Variants in SERPINA12 observed in about 807,000 individuals in gnomAD.
SERPINA12 encodes serpin family A member 12, also known as serpin A12.
SERPINA12 carries 21 observed loss-of-function variants against 25.9 expected under a neutral mutation model. That is an observed-to-expected ratio of 0.81 (90% CI 0.58 to 1.17). The LOEUF (loss-of-function observed/expected upper bound fraction) is 1.17. SERPINA12 is among the 50% of genes most tolerant of loss of function. SERPINA12 has a pLI of 0.00. For missense variants in SERPINA12, 562 were observed against 508.3 expected, an observed-to-expected ratio of 1.11 and a Z score of -1.02; for synonymous variants, 220 against 196.0, an observed-to-expected ratio of 1.12 and a Z score of -1.02.
chr14:94,504,370 A>G (rs557695733), intron 1 of SERPINA12: 11 of 152,332 alleles, frequency 7.2e-5, no homozygotes, highest in Admixed American at 5.9e-4. Flanking sequence ...AATGAAGTCC[A>G]CTAGACACCT....
At chr14:94,489,149 G>A (rs200375024) in intron 4 of SERPINA12, among the ~76,000 whole-genome samples, 9 of 145,928 alleles carry the variant, frequency 6.2e-5, no homozygotes, top group East Asian at 2.0e-4. Context: ...GAGAGAGAGA[G>A]AGAAAGAAAG....
intron 1 of SERPINA12, among the ~76,000 whole-genome samples, chr14:94,505,946 C>T (rs992207016): frequency 4.6e-5 from 7 of 152,114 alleles, no homozygotes; most frequent in Admixed American, 1.3e-4. Context: ...GAAAAGAGCC[C>T]CGGAGGAGGT....
intron 1 of SERPINA12, among the ~76,000 whole-genome samples, chr14:94,498,961 G>A (rs1275757782): frequency 6.6e-6 from 1 of 152,182 alleles, no homozygotes; most frequent in Non-Finnish European, 1.5e-5. Flanking sequence ...GAGTGATAGA[G>A]GGAGGTGGAA....
intron 3 of SERPINA12, among the ~76,000 whole-genome samples, chr14:94,493,071 C>T (rs1265190818): frequency 1.3e-5 from 2 of 152,220 alleles, no homozygotes; most frequent in African/African-American, 4.8e-5. Context: ...TCAGTGTCTT[C>T]TAGGCCCTCC....
chr14:94,489,719 G>T lies in SERPINA12; in HGVS notation c.954C>A (p.Asp318Glu). Residue 318 changes from aspartate (D) to glutamate (E), a missense_variant, in exon 4 of 5, where the codon GAC becomes GAA. Asp to Glu is a conservative substitution (Grantham distance 45). Transcript: ENST00000677451. ...VPRLHMTGTF[D>E]LKKTLSYIGV... ...CTATGTAGGAGAGAGTCTTCTTCAG[G>T]TCGAAGGTGCCCGTCATGTGGAGTC... is the stretch of plus-strand genomic sequence containing the variant. 6.2e-7 allele frequency: 1 copy of T among 1,614,188 alleles called. No individual in the cohort carries two copies. Among genetic ancestry groups the T allele is most frequent in the Non-Finnish European group, 8.5e-7 (1 of 1,180,022 alleles).
intron 1 of SERPINA12, among the ~76,000 whole-genome samples, chr14:94,505,117 C>A (rs1956706): frequency 0.093 from 14,222 of 152,230 alleles, 821 homozygotes; most frequent in African/African-American, 0.15. Context: ...CACAGTAGGT[C>A]GTATCTGATC....
chr14:94,503,179 G>A, intron 1 of SERPINA12: 1 of 982,148 alleles, frequency 1.0e-6, no homozygotes, highest in Non-Finnish European at 1.2e-6. Context: ...ATTTTTAAAA[G>A]CACATTTAGA....
At chr14:94,517,356 G>T (rs919908954) in intron 1 of SERPINA12, 2 of 152,186 alleles carry the variant, frequency 1.3e-5, no homozygotes, top group African/African-American at 4.8e-5. Flanking sequence ...CCTACAAGAG[G>T]TACCTCCTAG....
Position 94,497,757 on chromosome 14 carries a change from G to A in SERPINA12, c.634+7C>T. On this transcript the variant is annotated splice_region_variant and intron_variant, in intron 2 of 4. Coordinates refer to ENST00000677451, the MANE Select transcript of SERPINA12 (RefSeq NM_001382267.1). ...TTCTTTCCACACCAACATGCCAAAA[G>A]CCTTACCTCGAAAGAAAATATAATT... 1 of 1,595,054 alleles carries A rather than the reference G, an allele frequency of 6.3e-7. No individual in the cohort carries two copies.
intron 1 of SERPINA12, among the ~76,000 whole-genome samples, chr14:94,516,892 G>A (rs1431107543): frequency 6.6e-6 from 1 of 152,154 alleles, no homozygotes; most frequent in Non-Finnish European, 1.5e-5. Flanking sequence ...AGGCACCTAG[G>A]GAGGGGCAGT....
intron 1 of SERPINA12, among the ~76,000 whole-genome samples, chr14:94,498,888 T>C (rs1343570281): frequency 6.6e-6 from 1 of 152,184 alleles, no homozygotes; most frequent in Non-Finnish European, 1.5e-5. Flanking sequence ...TTGGGGCAGC[T>C]AGCTTTGTGA....
chr14:94,497,965 G>C lies in SERPINA12; in HGVS notation c.433C>G (p.Gln145Glu), dbSNP rs767238542. 3.1e-6 allele frequency: 5 copies of C among 1,614,098 alleles called. No individual in the cohort carries two copies. In the African/African-American group the frequency reaches 4.0e-5, roughly 13 times the overall value. ...TCTTCCAAAAACTTACGCTGTGGCT[G>C]CAGCCTCTGGTCAATGAACAGCGTG... ...GNTLFIDQRL[Q>E]PQRKFLEDAK... Residue 145 changes from glutamine (Q) to glutamate (E), a missense_variant, in exon 2 of 5, where the codon CAG becomes GAG. Transcript: ENST00000677451.
upstream of SERPINA12, among the ~76,000 whole-genome samples, chr14:94,512,806 G>A (rs1901143053): frequency 6.6e-6 from 1 of 152,158 alleles, no homozygotes; most frequent in Non-Finnish European, 1.5e-5. Flanking sequence ...TCTAACTACT[G>A]ACTATTTTGT....
Position 94,496,547 on chromosome 14 carries a change from C to G in SERPINA12, c.731G>C (p.Ser244Thr). 3.1e-6 allele frequency: 5 copies of G among 1,614,068 alleles called. No homozygotes were observed. The highest frequency in any genetic ancestry group is 4.2e-6 in the Non-Finnish European group (5 of 1,179,988). ...GTCATAGCCAACTTGGTATATGCCACTACGGAACATCATGGGCACCTTGAC... is the reference window on the plus strand; with the variant it reads ...GTCATAGCCAACTTGGTATATGCCAGTACGGAACATCATGGGCACCTTGAC... The part of the protein sequence containing the change: ...SSVKVPMMFR[S>T]GIYQVGYDDK... Residue 244 changes from serine (S) to threonine (T), a missense_variant, in exon 3 of 5, where the codon AGT becomes ACT. Coordinates refer to ENST00000677451, the MANE Select transcript of SERPINA12 (RefSeq NM_001382267.1).
chr14:94,495,796 C>T (rs1302432532), intron 3 of SERPINA12, among the ~76,000 whole-genome samples: 1 of 152,220 alleles, frequency 6.6e-6, no homozygotes. Context: ...AACCCAACAC[C>T]AACTCTTACC....
At chr14:94,489,409 A>G (rs1900055533) in intron 4 of SERPINA12, among the ~76,000 whole-genome samples, 1 of 152,154 alleles carries the variant, frequency 6.6e-6, no homozygotes, top group East Asian at 1.9e-4. Context: ...CCAAAATAGC[A>G]GCAGTTTTAA....
intron 1 of SERPINA12, among the ~76,000 whole-genome samples, chr14:94,505,759 A>T (rs186995444): frequency 2.2e-4 from 34 of 152,286 alleles, no homozygotes; most frequent in Non-Finnish European, 1.8e-4. Context: ...TTTCCACGGG[A>T]GACATGCAGG....
At chr14:94,507,296 T>C (rs1900963165) in intron 1 of SERPINA12, among the ~76,000 whole-genome samples, 1 of 152,226 alleles carries the variant, frequency 6.6e-6, no homozygotes. Flanking sequence ...ATATTAATAG[T>C]AGACAATCTT....
intron 1 of SERPINA12, among the ~76,000 whole-genome samples, chr14:94,508,396 TTTAG>T (rs1901008118): frequency 5.1e-4 from 1 of 1,952 alleles, no homozygotes; most frequent in African/African-American, 2.6e-3. Context: ...AAATAGAAAA[TTTAG>T]AAAATTTTTT....
Sources: allele counts gnomAD v4.1 joint callset (sites outside exome capture counted in the v4.1 genomes callset), GRCh38; gene constraint gnomAD v4.1.1; transcripts MANE v1.5; gene names NCBI Gene and HGNC (gene_info 2026-07-23, HGNC 2026-07-21).